Variants in DNM1L observed in about 807,000 individuals in gnomAD.
DNM1L encodes dynamin-1-like protein.
Under a neutral mutation model 92.8 loss-of-function variants are expected in DNM1L, and 33 were observed. The ratio of observed to expected loss-of-function variants is 0.36; its 90% confidence interval spans 0.27 to 0.48. DNM1L has a LOEUF of 0.48. DNM1L is among the 20% of genes least tolerant of loss of function. The pLI is 0.99. For synonymous variants in DNM1L, 284 were observed against 305.0 expected, an observed-to-expected ratio of 0.93 and a Z score of 0.72; for missense variants, 485 against 888.8, an observed-to-expected ratio of 0.55 and a Z score of 5.78.
chr12:32,686,937 CTTTTTTTTTTT>C (rs71447614), intron 1 of DNM1L, among the ~76,000 whole-genome samples: 3 of 95,606 alleles, frequency 3.1e-5, no homozygotes. Context: ...TCTTTTTTTT[CTTTTTTTTTTT>C]TTTTTTTTGA....
intron 9 of DNM1L, chr12:32,727,587 A>T (rs1565529738): frequency 6.0e-6 from 3 of 501,602 alleles, no homozygotes; most frequent in Non-Finnish European, 7.1e-6. Context: ...TTTGGCATTG[A>T]CCTAGGCATT....
rs1338793113 is a variant in DNM1L at position 32,742,651 on chromosome 12, T to C, written c.2057T>C (p.Leu686Pro). 1 of 1,614,164 alleles carries C rather than the reference T, an allele frequency of 6.2e-7. No homozygotes were observed. The highest frequency in any genetic ancestry group is 1.7e-5 in the Admixed American group (1 of 60,024). The change falls in exon 19 of 20, where the codon CTA becomes CCA. Residue 686 changes from leucine (L) to proline (P), a missense_variant. Leu to Pro is a moderately conservative substitution (Grantham distance 98). Coordinates refer to ENST00000549701, the MANE Select transcript of DNM1L (RefSeq NM_012062.5). ...NHVKDTLQSE[L>P]VGQLYKSSLL... Reference sequence around the variant, plus strand: ...GTGAAAGACACTCTTCAGAGTGAGCTAGTAGGCCAGCTGTATAAATCATCC... The same window carrying C: ...GTGAAAGACACTCTTCAGAGTGAGCCAGTAGGCCAGCTGTATAAATCATCC...
At chr12:32,726,235 T>C in intron 9 of DNM1L, 1 of 658,432 alleles carries the variant, frequency 1.5e-6, no homozygotes, top group Non-Finnish European at 2.6e-6. Flanking sequence ...GTAGAACAGA[T>C]TGGTCTTTAA....
rs538646421 is a variant in DNM1L, at chr12:32,710,222, A to G, written c.370-707A>G. On this transcript the variant is annotated intron_variant, in intron 4 of 19. Coordinates refer to ENST00000549701, the MANE Select transcript of DNM1L (RefSeq NM_012062.5). ...TTACTAGAGATTAAAGAGTTAGATAAACTTCTTGAGAAATCTCTTACTGTA... is the reference window on the plus strand; with the variant it reads ...TTACTAGAGATTAAAGAGTTAGATAGACTTCTTGAGAAATCTCTTACTGTA... 4.6e-5 allele frequency among the ~76,000 whole-genome samples: 7 copies of G among 152,332 alleles called. No individual in the cohort carries two copies. In the South Asian group the frequency reaches 1.4e-3, roughly 32 times the overall value.
chr12:32,737,869 C>G lies in DNM1L; in HGVS notation c.1601C>G (p.Ser534Cys), dbSNP rs1955006896. 6.2e-7 allele frequency: 1 copy of G among 1,613,908 alleles called. No homozygotes were observed. Among genetic ancestry groups the G allele is most frequent in the African/African-American group, 1.3e-5 (1 of 74,982 alleles). The change falls in exon 15 of 20, where the codon TCT becomes TGT. Residue 534 changes from serine (S) to cysteine (C), a missense_variant. By Grantham distance (112) the Ser-to-Cys change is moderately radical. Coordinates refer to ENST00000549701, the MANE Select transcript of DNM1L (RefSeq NM_012062.5). ...CCCTGGATTTTTTGCCTTTAGTCTTCTAAAGTTCCAAGTGCTTTGGCACCT... is the reference window on the plus strand; with the variant it reads ...CCCTGGATTTTTTGCCTTTAGTCTTGTAAAGTTCCAAGTGCTTTGGCACCT... ...LPSAVSRDKS[S>C]KVPSALAPAS...
At chr12:32,742,511 C>T in intron 18 of DNM1L, 78 bp from the exon 19 acceptor site, 1 of 1,554,590 alleles carries the variant, frequency 6.4e-7, no homozygotes, top group Non-Finnish European at 8.8e-7. Context: ...AACTTTATTT[C>T]ATGAGGTTAG....
At chr12:32,734,033 T>C (rs1954722903) in intron 13 of DNM1L, among the ~76,000 whole-genome samples, 1 of 152,236 alleles carries the variant, frequency 6.6e-6, no homozygotes, top group Non-Finnish European at 1.5e-5. Flanking sequence ...AGAAAGAATC[T>C]GAAAATTCAT....
intron 1 of DNM1L, among the ~76,000 whole-genome samples, chr12:32,699,819 A>C (rs1021116101): frequency 1.3e-5 from 2 of 150,576 alleles, no homozygotes; most frequent in Non-Finnish European, 3.0e-5. Context: ...AAAAAAAAAA[A>C]GCAATGATGT....
At chr12:32,739,497 T>C (rs1253883725) in intron 16 of DNM1L, among the ~76,000 whole-genome samples, 1 of 152,228 alleles carries the variant, frequency 6.6e-6, no homozygotes, top group Non-Finnish European at 1.5e-5. Flanking sequence ...TCACAGTGAC[T>C]GTCAGCCTAA....
Position 32,679,372 on chromosome 12 carries a change from G to A in DNM1L, c.9G>A (p.Ala3=). The change falls in exon 1 of 20, where the codon GCG becomes GCA. Residue 3 remains alanine, a synonymous_variant. Coordinates refer to ENST00000549701, the MANE Select transcript of DNM1L (RefSeq NM_012062.5). The part of the protein sequence containing the change: ME[A]LIPVINKLQD... ...CCCGTGTTTTCAGAGTCATGGAGGC[G>A]CTAATTCCTGTCATAAACAAGCTCC... 2 of 1,613,090 alleles carry A rather than the reference G, an allele frequency of 1.2e-6. No homozygotes were observed. Among genetic ancestry groups the A allele is most frequent in the Admixed American group, 3.3e-5 (2 of 60,020 alleles).
At position 32,727,529 on chromosome 12, in the gene DNM1L, G is replaced by GA. The variant is rs199953324; in HGVS notation, c.1080-3476dup. The GA allele has an allele frequency of 6.3e-3, 2,495 of 393,798 alleles. 21 individuals carry two copies. Among genetic ancestry groups the GA allele is most frequent in the South Asian group, 0.026 (944 of 36,036 alleles). 24.4% of individuals were successfully genotyped at this position (393,798 alleles called of 1,614,324 possible). A position where few individuals can be genotyped will look rare whatever the true frequency, so the allele number is the denominator to read the frequency against. Reference sequence around the variant, plus strand: ...AAAAGAGACCCTATCTCTGAAAATGGAAAAAAAAACCACTCTTAATTTCAC... The same window carrying GA: ...AAAAGAGACCCTATCTCTGAAAATGGAAAAAAAAAACCACTCTTAATTTCAC... On this transcript the variant is annotated intron_variant, in intron 9 of 19. Transcript: ENST00000549701.
intron 2 of DNM1L, 97 bp downstream of exon 2, chr12:32,701,659 T>G (rs1468676608): frequency 8.9e-7 from 1 of 1,124,948 alleles, no homozygotes; most frequent in Non-Finnish European, 1.3e-6. Context: ...AATTAGTGAC[T>G]GTAGCATAGT....
chr12:32,736,099 T>C (rs1954857572), intron 13 of DNM1L, among the ~76,000 whole-genome samples: 1 of 138,808 alleles, frequency 7.2e-6, no homozygotes, highest in African/African-American at 2.8e-5. Context: ...TAAGACAGAG[T>C]CTCACTCTGT....
At chr12:32,680,730 G>C (rs1235200204) in intron 1 of DNM1L, among the ~76,000 whole-genome samples, 3 of 152,196 alleles carry the variant, frequency 2.0e-5, no homozygotes, top group Non-Finnish European at 4.4e-5. Flanking sequence ...ATTTTGTTCA[G>C]TCTGGGACAT....
intron 9 of DNM1L, among the ~76,000 whole-genome samples, chr12:32,723,945 C>T (rs943070877): frequency 7.9e-5 from 12 of 152,098 alleles, no homozygotes; most frequent in Non-Finnish European, 2.9e-5. Context: ...ACTAACTTCT[C>T]AAAAAGGAAG....
At chr12:32,706,542 A>C (rs1185482401) in intron 2 of DNM1L, 2 of 358,508 alleles carry the variant, frequency 5.6e-6, no homozygotes. Context: ...CACACAGTGC[A>C]ACAGTGAATC....
chr12:32,745,027 G>T lies in DNM1L; in HGVS notation c.*1617G>T, dbSNP rs776113136. On this transcript the variant is annotated 3_prime_UTR_variant, in exon 20 of 20. Coordinates refer to ENST00000549701, the MANE Select transcript of DNM1L (RefSeq NM_012062.5). ...ATGAATATGTTAACTTTAGCTTATG[G>T]CATCAATTTACTAAGGAACAACAGG... The T allele has an allele frequency of 1.9e-6, 1 of 513,334 alleles. No individual in the cohort carries two copies. The highest frequency in any genetic ancestry group is 3.9e-6 in the Non-Finnish European group (1 of 258,392). 31.8% of individuals were successfully genotyped at this position (513,334 alleles called of 1,614,324 possible).
intron 2 of DNM1L, among the ~76,000 whole-genome samples, chr12:32,704,795 A>C (rs971437976): frequency 2.5e-4 from 38 of 152,180 alleles, no homozygotes; most frequent in African/African-American, 8.7e-4. Flanking sequence ...GTCAAGAGTT[A>C]ACTTTCTGCA....
At chr12:32,679,502 C>T (rs752341107) in intron 1 of DNM1L, 37 bp downstream of exon 1, 3 of 1,579,184 alleles carry the variant, frequency 1.9e-6, no homozygotes, top group Non-Finnish European at 2.6e-6. Flanking sequence ...GGGCCAGACC[C>T]CGGCCGCAGG....
Sources: allele counts gnomAD v4.1 joint callset (sites outside exome capture counted in the v4.1 genomes callset), GRCh38; gene constraint gnomAD v4.1.1; transcripts MANE v1.5; gene names NCBI Gene and HGNC (gene_info 2026-07-23, HGNC 2026-07-21).